The following USP31 variants were observed in gnomAD, a reference collection of about 807,000 sequenced individuals.
The protein encoded by USP31 is ubiquitin carboxyl-terminal hydrolase 31.
In USP31, 44 loss-of-function variants were observed where a neutral mutation model predicts 119.4. The observed-to-expected ratio is 0.37, with a 90% CI of 0.29 to 0.47. The LOEUF is 0.47. USP31 is among the 20% of genes least tolerant of loss of function. USP31 has a pLI of 0.99. For synonymous variants in USP31, 749 were observed against 705.6 expected (o/e 1.06, Z -0.97); for missense variants, 1,643 against 1,730.2 (o/e 0.95, Z 0.89).
At chr16:23,085,930 A>T (rs1673675780) in intron 9 of USP31, among the ~76,000 whole-genome samples, 2 of 152,218 alleles carry the variant, frequency 1.3e-5, no homozygotes. Flanking sequence ...TTAGTGTCAT[A>T]AGGTTGATGA....
rs1179279917 is a variant in USP31, at chr16:23,068,031, T to G, written c.*15A>C. The stretch of plus-strand genomic sequence containing the variant: ...TAAACATCTTTACAGATAAAACACT[T>G]TGATTGCAGAAATATCACTGAGGTT... On this transcript the variant is annotated 3_prime_UTR_variant, in exon 16 of 16. Transcript: ENST00000219689. 1 of 1,597,802 alleles carries G rather than the reference T, an allele frequency of 6.3e-7. No homozygotes were observed. The highest frequency in any genetic ancestry group is 1.3e-5 in the African/African-American group (1 of 74,122).
chr16:23,067,823 T>TG lies in USP31; in HGVS notation c.*222_*223insC. ...TATTCCAGTTAGCTTGGTGTCAATGTTTTGCCTATGGCTGTTATTTGGTTC... is the reference window on the plus strand; with the variant it reads ...TATTCCAGTTAGCTTGGTGTCAATGTGTTTGCCTATGGCTGTTATTTGGTTC... On this transcript the variant is annotated 3_prime_UTR_variant, in exon 16 of 16. Transcript: ENST00000219689. 1 of 495,126 alleles carries TG rather than the reference T, an allele frequency of 2.0e-6. No individual in the cohort carries two copies. The highest frequency in any genetic ancestry group is 3.7e-5 in the South Asian group (1 of 27,342). The allele number at this position is 495,126 out of a possible 1,614,324, so 30.7% of individuals were successfully genotyped here. A position where few individuals can be genotyped will look rare whatever the true frequency, so the allele number is the denominator to read the frequency against.
intron 1 of USP31, among the ~76,000 whole-genome samples, chr16:23,143,238 G>A (rs1903402704): frequency 6.6e-6 from 1 of 152,150 alleles, no homozygotes; most frequent in African/African-American, 2.4e-5. Context: ...AGATCACTCT[G>A]TGCTAGCTGT....
At chr16:23,113,397 A>G (rs182499944) in intron 1 of USP31, among the ~76,000 whole-genome samples, 6 of 152,304 alleles carry the variant, frequency 3.9e-5, no homozygotes, top group Admixed American at 2.0e-4. Context: ...AGAATCTTGA[A>G]CACTGGAAAA....
At chr16:23,129,134 T>A (rs970196480) in intron 1 of USP31, among the ~76,000 whole-genome samples, 1 of 152,180 alleles carries the variant, frequency 6.6e-6, no homozygotes, top group Admixed American at 6.5e-5. Context: ...TTGGAAATTT[T>A]AAAAATTAGT....
chr16:23,099,844 CAA>C (rs1901771612), intron 6 of USP31, among the ~76,000 whole-genome samples: 1 of 152,032 alleles, frequency 6.6e-6, no homozygotes, highest in South Asian at 2.1e-4. Context: ...AAAAAGCAAA[CAA>C]TGCAATTTTA....
chr16:23,096,020 C>T (rs1270253520), intron 6 of USP31, among the ~76,000 whole-genome samples: 3 of 152,156 alleles, frequency 2.0e-5, no homozygotes, highest in African/African-American at 7.2e-5. Context: ...TGTAAATGGG[C>T]TAAATGCCCC....
chr16:23,144,200 C>T (rs2141906212), intron 1 of USP31, among the ~76,000 whole-genome samples: 1 of 152,250 alleles, frequency 6.6e-6, no homozygotes, highest in South Asian at 2.1e-4. Context: ...GCATTAGTAA[C>T]TTAAAGTTTT....
chr16:23,073,156 G>C (rs1900415454), intron 14 of USP31, among the ~76,000 whole-genome samples: 1 of 151,964 alleles, frequency 6.6e-6, no homozygotes, highest in Non-Finnish European at 1.5e-5. Flanking sequence ...AACACAACAG[G>C]CTGGATGTCA....
intron 11 of USP31, among the ~76,000 whole-genome samples, chr16:23,083,123 C>A (rs190558365): frequency 1.3e-5 from 2 of 152,180 alleles, no homozygotes; most frequent in Non-Finnish European, 2.9e-5. Context: ...AGCCACTGCG[C>A]CCGGCCAGAT....
intron 6 of USP31, among the ~76,000 whole-genome samples, chr16:23,101,961 A>G (rs1290791118): frequency 6.9e-6 from 1 of 145,708 alleles, no homozygotes; most frequent in Non-Finnish European, 1.5e-5. Context: ...AAGAGCTGAT[A>G]GCAAAATTTA....
intron 1 of USP31, among the ~76,000 whole-genome samples, chr16:23,141,570 G>A (rs919252984): frequency 5.3e-5 from 8 of 151,996 alleles, no homozygotes; most frequent in Non-Finnish European, 7.4e-5. Context: ...GAGAGACAGG[G>A]TTTCGCCTGT....
intron 2 of USP31, among the ~76,000 whole-genome samples, chr16:23,106,988 T>A (rs1009552003): frequency 4.6e-5 from 7 of 151,970 alleles, no homozygotes; most frequent in Non-Finnish European, 8.8e-5. Context: ...GGCGCATGCC[T>A]GTAATCCCAG....
chr16:23,107,273 T>G (rs1003713847), intron 2 of USP31, among the ~76,000 whole-genome samples: 1 of 152,190 alleles, frequency 6.6e-6, no homozygotes, highest in Non-Finnish European at 1.5e-5. Context: ...TGCTACCACA[T>G]GCAGAGAGCA....
At chr16:23,084,828 G>T in intron 11 of USP31, 32 bp downstream of exon 11, 1 of 1,612,624 alleles carries the variant, frequency 6.2e-7, no homozygotes, top group South Asian at 1.1e-5. Context: ...CCACTGCCCT[G>T]AGCAACCAAG....
chr16:23,098,904 AG>A (rs1337781512), intron 6 of USP31, among the ~76,000 whole-genome samples: 1 of 152,254 alleles, frequency 6.6e-6, no homozygotes, highest in Non-Finnish European at 1.5e-5. Context: ...TTAGGGACAT[AG>A]GCATGAGCAA....
chr16:23,076,363 TCTCTAAACTAAGA>T (rs1338879815), intron 13 of USP31, among the ~76,000 whole-genome samples: 1 of 151,940 alleles, frequency 6.6e-6, no homozygotes, highest in Admixed American at 6.5e-5. Flanking sequence ...TTTAAAATGT[TCTCTAAACTAAGA>T]CTCTAAACAT....
In USP31 at chr16:23,068,654, C is replaced by T. The variant is rs1312791005; in HGVS notation, c.3451G>A (p.Asp1151Asn). 15 of 1,614,104 alleles carry T rather than the reference C, an allele frequency of 9.3e-6. No homozygotes were observed. Among genetic ancestry groups the T allele is most frequent in the Non-Finnish European group, 1.2e-5 (14 of 1,180,048 alleles). Residue 1151 changes from aspartate (D) to asparagine (N), a missense_variant, in exon 16 of 16, where the codon GAC becomes AAC. Around this residue, in one of 5 missense-constraint regions of USP31, gnomAD observed 699 missense variants for 650.9 expected, o/e 1.07. Transcript: ENST00000219689. ...GAGCCCTCTCTACTCAAGCTGTGGT[C>T]TGAAGTCCTGCTCTTCCCAGGTGGG... Reference protein sequence around the residue: ...PFPPGKSRTSDHSLSREGSRQ... With the variant: ...PFPPGKSRTSNHSLSREGSRQ...
chr16:23,079,962 T>A lies in USP31; in HGVS notation c.2160A>T (p.Gln720His). ...ACTGCAGACCTGTGTAGTGCCCCCC[T>A]TGCATGGTGCCATGGTGATTGCACA... Reference protein sequence around the residue: ...YAVCNHHGTMQGGHYTAYCKN... With the variant: ...YAVCNHHGTMHGGHYTAYCKN... The change falls in exon 13 of 16, where the codon CAA becomes CAT. Residue 720 changes from glutamine to histidine, a missense_variant. By Grantham distance (24) the Gln-to-His change is conservative. Around this residue, in one of 5 missense-constraint regions of USP31, gnomAD observed 279 missense variants for 372.2 expected, o/e 0.75. Coordinates refer to ENST00000219689, the MANE Select transcript of USP31 (RefSeq NM_020718.4). 1 of 1,612,248 alleles carries A rather than the reference T, an allele frequency of 6.2e-7. No homozygotes were observed. Among genetic ancestry groups the A allele is most frequent in the Non-Finnish European group, 8.5e-7 (1 of 1,179,222 alleles).
Sources: gnomAD v4.1 joint callset for allele counts (sites outside exome capture counted in the v4.1 genomes callset) on GRCh38, gnomAD v4.1.1 for gene constraint, gnomAD v4.1.1 regional missense constraint, MANE v1.5 for transcripts, NCBI Gene and HGNC (gene_info 2026-07-23, HGNC 2026-07-21) for gene names.